The following LYPLAL1 variants were observed in gnomAD, a reference collection of about 807,000 sequenced individuals.
The protein encoded by LYPLAL1 is lysophospholipase like 1, also known as lysophospholipase-like protein 1.
A neutral mutation model predicts 19.7 loss-of-function variants in LYPLAL1; 23 were observed. The observed-to-expected ratio is 1.17, with a 90% confidence interval of 0.84 to 1.65. The LOEUF (loss-of-function observed/expected upper bound fraction) is 1.65. LYPLAL1 is among the 40% of genes most tolerant of loss of function. The probability of loss-of-function intolerance (pLI) is 0.00; values close to 1 mark genes in which losing one functional copy is unlikely to be tolerated. For missense variants in LYPLAL1, 355 were observed against 279.4 expected (o/e 1.27, Z -1.93); for synonymous variants, 119 against 96.3 (o/e 1.24, Z -1.38).
At chr1:219,317,385 C>T in the LYPLAL1 span, among the ~76,000 whole-genome samples, 5 of 152,122 alleles carry the variant, frequency 3.3e-5, no homozygotes, top group Admixed American at 2.6e-4. Context: ...AGTAAATGTC[C>T]TGTTGAATAT....
intron 3 of LYPLAL1, among the ~76,000 whole-genome samples, chr1:219,206,242 G>C (rs973508217): frequency 1.3e-5 from 2 of 151,978 alleles, no homozygotes; most frequent in Non-Finnish European, 2.9e-5. Context: ...TATTCAGCTT[G>C]TTAATCTTAA....
At chr1:219,429,772 C>T in the LYPLAL1 span, among the ~76,000 whole-genome samples, 1 of 152,140 alleles carries the variant, frequency 6.6e-6, no homozygotes, top group Admixed American at 6.5e-5. Flanking sequence ...TTCATTAGAC[C>T]ATTCAATAAA....
chr1:219,264,514 C>T, the LYPLAL1 span, among the ~76,000 whole-genome samples: 1 of 152,202 alleles, frequency 6.6e-6, no homozygotes, highest in African/African-American at 2.4e-5. Flanking sequence ...TTCATCCTCT[C>T]ATGATGGCTT....
chr1:219,440,101 C>T, the LYPLAL1 span, among the ~76,000 whole-genome samples: 3 of 149,952 alleles, frequency 2.0e-5, no homozygotes, highest in South Asian at 2.1e-4. Context: ...CACACTCTCA[C>T]TCTCTTTTCA....
intron 2 of LYPLAL1, among the ~76,000 whole-genome samples, chr1:219,190,776 T>C (rs1657115776): frequency 6.6e-6 from 1 of 151,100 alleles, no homozygotes; most frequent in Non-Finnish European, 1.5e-5. Context: ...GAAATGACAA[T>C]AGGAAAAAAT....
the LYPLAL1 span, among the ~76,000 whole-genome samples, chr1:219,371,028 G>C: frequency 1.3e-5 from 2 of 152,168 alleles, no homozygotes; most frequent in East Asian, 3.9e-4. Flanking sequence ...ATTGATTCTT[G>C]GTCCTATCTG....
At chr1:219,289,497 A>G in the LYPLAL1 span, among the ~76,000 whole-genome samples, 69,515 of 152,048 alleles carry the variant, frequency 0.46, 16,338 homozygotes, top group East Asian at 0.69. Flanking sequence ...AATAGCAGAC[A>G]GAACACGGCA....
At chr1:219,175,535 C>CT (rs923162299) in intron 1 of LYPLAL1, among the ~76,000 whole-genome samples, 2 of 151,912 alleles carry the variant, frequency 1.3e-5, no homozygotes, top group Admixed American at 6.6e-5. Flanking sequence ...AATAATTATC[C>CT]TTTTTTTGAA....
the LYPLAL1 span, among the ~76,000 whole-genome samples, chr1:219,379,791 A>G: frequency 6.6e-6 from 1 of 152,254 alleles, no homozygotes; most frequent in African/African-American, 2.4e-5. Context: ...TACAAGTAAG[A>G]AATTATTTCA....
the LYPLAL1 span, among the ~76,000 whole-genome samples, chr1:219,255,996 TC>T: frequency 6.6e-6 from 1 of 151,908 alleles, no homozygotes; most frequent in African/African-American, 2.4e-5. Context: ...AGGAATTTTT[TC>T]ATCTATTTTA....
At chr1:219,407,737 A>G in the LYPLAL1 span, among the ~76,000 whole-genome samples, 3 of 152,184 alleles carry the variant, frequency 2.0e-5, no homozygotes, top group African/African-American at 7.2e-5. Flanking sequence ...AGTTTGGGGT[A>G]GTATAGCAAA....
the LYPLAL1 span, among the ~76,000 whole-genome samples, chr1:219,245,876 T>C: frequency 2.2e-4 from 33 of 152,252 alleles, no homozygotes; most frequent in African/African-American, 7.5e-4. Context: ...TGACAAAATC[T>C]AAACTGCACA....
chr1:219,202,370 C>G (rs1022579153), intron 3 of LYPLAL1, among the ~76,000 whole-genome samples: 2 of 152,224 alleles, frequency 1.3e-5, no homozygotes, highest in Non-Finnish European at 2.9e-5. Context: ...TGGAGACTTA[C>G]AGGTAGCTTA....
chr1:219,204,372 C>T lies in LYPLAL1; in HGVS notation c.362-6160C>T, dbSNP rs751240026. Among the ~76,000 whole-genome samples the T allele has an allele frequency of 1.2e-4, 18 of 152,132 alleles. 1 individual carries two copies. Among genetic ancestry groups the T allele is most frequent in the Non-Finnish European group, 2.2e-4 (15 of 68,010 alleles). The stretch of plus-strand genomic sequence containing the variant: ...GCTTTATTAACATATTAACAGTGTC[C>T]AGTGTGCAGAATATAAGCATTTTAT... On this transcript the variant is annotated intron_variant, in intron 3 of 4. Coordinates refer to ENST00000366928, the MANE Select transcript of LYPLAL1 (RefSeq NM_138794.5).
downstream of LYPLAL1, among the ~76,000 whole-genome samples, chr1:219,213,809 G>A (rs955274454): frequency 6.6e-6 from 1 of 152,014 alleles, no homozygotes; most frequent in Admixed American, 6.6e-5. Flanking sequence ...TTTTAGGATA[G>A]TCTGCAAAGA....
At chr1:219,373,829 T>G in the LYPLAL1 span, among the ~76,000 whole-genome samples, 1 of 144,418 alleles carries the variant, frequency 6.9e-6, no homozygotes, top group Non-Finnish European at 1.5e-5. Flanking sequence ...CAAAGAGATT[T>G]GCAGCAGGCT....
At chr1:219,266,327 A>G in the LYPLAL1 span, among the ~76,000 whole-genome samples, 2 of 152,130 alleles carry the variant, frequency 1.3e-5, no homozygotes, top group African/African-American at 4.8e-5. Context: ...AAACACACAC[A>G]TTGGCCTAGG....
At chr1:219,373,081 C>T in the LYPLAL1 span, among the ~76,000 whole-genome samples, 1 of 152,174 alleles carries the variant, frequency 6.6e-6, no homozygotes, top group Non-Finnish European at 1.5e-5. Flanking sequence ...GTTTAACCAT[C>T]AGGCATGCTG....
the LYPLAL1 span, among the ~76,000 whole-genome samples, chr1:219,242,878 C>T: frequency 6.6e-6 from 1 of 152,100 alleles, no homozygotes; most frequent in South Asian, 2.1e-4. Flanking sequence ...TGAGTCAGGC[C>T]TGCAGACTGG....
Sources: gnomAD v4.1 joint callset for allele counts (sites outside exome capture counted in the v4.1 genomes callset) on GRCh38, gnomAD v4.1.1 for gene constraint, MANE v1.5 for transcripts, NCBI Gene and HGNC (gene_info 2026-07-23, HGNC 2026-07-21) for gene names.